The following TRAPPC9 variants were observed in gnomAD, a reference collection of about 807,000 sequenced individuals.
TRAPPC9 encodes IKK2 binding protein.
Under a neutral mutation model 124.0 loss-of-function variants are expected in TRAPPC9, and 83 were observed. The observed-to-expected ratio is 0.67, with a 90% CI of 0.56 to 0.80. The LOEUF (loss-of-function observed/expected upper bound fraction) is 0.80, where lower values mean the gene tolerates loss of function less well. TRAPPC9 is among the 30% of genes least tolerant of loss of function. The probability of loss-of-function intolerance (pLI) is 0.00; values close to 1 mark genes in which losing one functional copy is unlikely to be tolerated. For missense variants in TRAPPC9, 1,302 were observed against 1,508.3 expected (o/e 0.86, Z 2.27); for synonymous variants, 638 against 617.5 (o/e 1.03, Z -0.49).
At position 140,149,035 on chromosome 8, in the gene TRAPPC9, G is replaced by A. The variant is rs995348618; in HGVS notation, c.2556+72424C>T. On this transcript the variant is annotated intron_variant, in intron 17 of 22. Coordinates refer to ENST00000438773, the MANE Select transcript of TRAPPC9 (RefSeq NM_001160372.4). Reference sequence around the variant, plus strand: ...GTCTTTAAAACAAAAAAGAGCACAAGGCTTTTACATTTCAGTGTGTGCTTT... The same window carrying A: ...GTCTTTAAAACAAAAAAGAGCACAAAGCTTTTACATTTCAGTGTGTGCTTT... Among the ~76,000 whole-genome samples the A allele has an allele frequency of 2.0e-5, 3 of 152,292 alleles. No homozygotes were observed. In the South Asian group the frequency reaches 6.2e-4, roughly 32 times the overall value.
intron 21 of TRAPPC9, among the ~76,000 whole-genome samples, chr8:139,861,146 TTC>T (rs1828116486): frequency 6.6e-6 from 1 of 152,268 alleles, no homozygotes; most frequent in South Asian, 2.1e-4. Flanking sequence ...AAATGTAATT[TTC>T]TCAGCAAGGC....
chr8:139,855,877 G>A (rs1222426240), intron 21 of TRAPPC9, among the ~76,000 whole-genome samples: 1 of 152,216 alleles, frequency 6.6e-6, no homozygotes, highest in African/African-American at 2.4e-5. Context: ...TATTTCATCA[G>A]TAACAGGAAA....
At chr8:140,357,653 G>T (rs940044829) in intron 9 of TRAPPC9, among the ~76,000 whole-genome samples, 2 of 152,136 alleles carry the variant, frequency 1.3e-5, no homozygotes, top group African/African-American at 4.8e-5. Context: ...ACTCGAGCAG[G>T]TAACACCAGA....
intron 5 of TRAPPC9, among the ~76,000 whole-genome samples, chr8:140,421,856 G>A (rs2070222584): frequency 6.6e-6 from 1 of 152,000 alleles, no homozygotes; most frequent in Admixed American, 6.6e-5. Context: ...AGCTCAACTA[G>A]CAGTGATCAC....
At chr8:139,893,756 T>C (rs2131171046) in intron 20 of TRAPPC9, among the ~76,000 whole-genome samples, 1 of 152,340 alleles carries the variant, frequency 6.6e-6, no homozygotes, top group African/African-American at 2.4e-5. Flanking sequence ...AGGAGGTAAC[T>C]GATGCTGGCC....
chr8:140,365,089 G>A (rs1434950240), intron 8 of TRAPPC9, among the ~76,000 whole-genome samples: 2 of 151,752 alleles, frequency 1.3e-5, no homozygotes, highest in African/African-American at 2.4e-5. Flanking sequence ...GGGATGCTAT[G>A]GGAAGCATAC....
At chr8:140,234,919 T>C (rs1344694309) in intron 16 of TRAPPC9, among the ~76,000 whole-genome samples, 1 of 152,240 alleles carries the variant, frequency 6.6e-6, no homozygotes, top group Non-Finnish European at 1.5e-5. Flanking sequence ...CAAAAATTAG[T>C]GCTAACCAAG....
intron 9 of TRAPPC9, among the ~76,000 whole-genome samples, chr8:140,313,653 G>A (rs1285119198): frequency 2.0e-5 from 3 of 152,178 alleles, no homozygotes; most frequent in East Asian, 3.9e-4. Flanking sequence ...CTCCCCATGA[G>A]CGTAGCAGGG....
intron 7 of TRAPPC9, among the ~76,000 whole-genome samples, chr8:140,373,990 G>A (rs1388567349): frequency 6.6e-6 from 1 of 152,184 alleles, no homozygotes; most frequent in Non-Finnish European, 1.5e-5. Flanking sequence ...CTAAGGGAGT[G>A]TTCATAAGCA....
intron 1 of TRAPPC9, among the ~76,000 whole-genome samples, chr8:140,454,141 TA>T (rs1199212897): frequency 2.6e-5 from 4 of 151,274 alleles, no homozygotes; most frequent in Non-Finnish European, 5.9e-5. Context: ...ATACAAAAAT[TA>T]GCCAGGAGTG....
At chr8:140,029,669 A>G (rs987264713) in intron 17 of TRAPPC9, among the ~76,000 whole-genome samples, 5 of 150,870 alleles carry the variant, frequency 3.3e-5, no homozygotes, top group Non-Finnish European at 5.9e-5. Flanking sequence ...CCCAAAAGAA[A>G]CCCCAAGCTT....
intron 19 of TRAPPC9, among the ~76,000 whole-genome samples, chr8:139,935,975 G>A (rs570695392): frequency 6.6e-5 from 10 of 152,324 alleles, no homozygotes; most frequent in Admixed American, 2.6e-4. Context: ...CCCACAATGG[G>A]GAAGCCTGCA....
intron 9 of TRAPPC9, among the ~76,000 whole-genome samples, chr8:140,349,960 G>A (rs914110770): frequency 6.6e-6 from 1 of 152,152 alleles, no homozygotes; most frequent in African/African-American, 2.4e-5. Context: ...TCCTCTAAGT[G>A]AGTAACCAAG....
chr8:139,878,960 C>A (rs1271962755), intron 21 of TRAPPC9, among the ~76,000 whole-genome samples: 1 of 152,220 alleles, frequency 6.6e-6, no homozygotes, highest in African/African-American at 2.4e-5. Context: ...AAACTATGTA[C>A]AAATTCAAAA....
At chr8:140,254,998 A>T (rs1411721725) in intron 15 of TRAPPC9, among the ~76,000 whole-genome samples, 2 of 152,246 alleles carry the variant, frequency 1.3e-5, no homozygotes, top group Non-Finnish European at 2.9e-5. Flanking sequence ...CTAACTCCAG[A>T]ACACGAGGAC....
intron 17 of TRAPPC9, among the ~76,000 whole-genome samples, chr8:140,190,247 G>A (rs867047687): frequency 6.6e-6 from 1 of 152,274 alleles, no homozygotes; most frequent in South Asian, 2.1e-4. Context: ...CTTGAGGTCA[G>A]GAGTTCGAGG....
chr8:140,119,571 A>T (rs1313698688), intron 17 of TRAPPC9, among the ~76,000 whole-genome samples: 1 of 152,210 alleles, frequency 6.6e-6, no homozygotes, highest in Non-Finnish European at 1.5e-5. Context: ...GATGAATGTA[A>T]TCCCTTAAGG....
chr8:140,081,196 C>T (rs1490412700), intron 17 of TRAPPC9, among the ~76,000 whole-genome samples: 1 of 152,176 alleles, frequency 6.6e-6, no homozygotes, highest in African/African-American at 2.4e-5. Context: ...ACCTCTGCTC[C>T]TCACAGTCCA....
chr8:140,201,541 C>A (rs908998372), intron 17 of TRAPPC9, among the ~76,000 whole-genome samples: 1 of 152,202 alleles, frequency 6.6e-6, no homozygotes, highest in South Asian at 2.1e-4. Context: ...CATTTACTTA[C>A]CAATGCCTAC....
Sources: allele counts gnomAD v4.1 joint callset (sites outside exome capture counted in the v4.1 genomes callset), GRCh38; gene constraint gnomAD v4.1.1; transcripts MANE v1.5; gene names NCBI Gene and HGNC (gene_info 2026-07-23, HGNC 2026-07-21).